The following SYNE1 variants were observed in gnomAD, a reference collection of about 807,000 sequenced individuals.
SYNE1 encodes the protein nesprin-1.
Under a neutral mutation model 1,111.0 loss-of-function variants are expected in SYNE1, and 616 were observed. The ratio of observed to expected loss-of-function variants is 0.55; its 90% CI spans 0.52 to 0.59. SYNE1 has a LOEUF of 0.59. Among genes scored for constraint, SYNE1 ranks in the 20% least tolerant of loss-of-function variants. The probability of loss-of-function intolerance (pLI) is 0.00; values close to 1 mark genes in which losing one functional copy is unlikely to be tolerated. For missense variants in SYNE1, 10,006 were observed against 10,417.0 expected (o/e 0.96, Z 1.72); for synonymous variants, 3,855 against 3,825.8 (o/e 1.01, Z -0.28).
At chr6:152,372,500 C>T (rs58118765) in intron 59 of SYNE1, among the ~76,000 whole-genome samples, 10,017 of 151,694 alleles carry the variant, frequency 0.066, 418 homozygotes, top group East Asian at 0.18. Flanking sequence ...TAGTCTCAGA[C>T]GGAAAAAAAA....
chr6:152,294,370 G>C (rs2094763063), intron 93 of SYNE1, among the ~76,000 whole-genome samples: 1 of 152,152 alleles, frequency 6.6e-6, no homozygotes, highest in Admixed American at 6.5e-5. Flanking sequence ...AATATTTCAA[G>C]TTGCCAAAAC....
intron 4 of SYNE1, among the ~76,000 whole-genome samples, chr6:152,539,248 A>G (rs2099258366): frequency 6.6e-6 from 1 of 152,166 alleles, no homozygotes; most frequent in Admixed American, 6.5e-5. Flanking sequence ...ATTATCAGCA[A>G]ATCCTCTAAC....
Position 152,505,416 on chromosome 6 carries a change from T to C in SYNE1, c.582-19A>G. On this transcript the variant is annotated intron_variant, in intron 8 of 145. Coordinates refer to ENST00000367255, the MANE Select transcript of SYNE1 (RefSeq NM_182961.4). ...AGTCTGCCTTTGTGTTATAAAAACA[T>C]AAAATGATGTCACATTCTGAATAGA... 1 of 1,612,464 alleles carries C rather than the reference T, an allele frequency of 6.2e-7. No homozygotes were observed. The highest frequency in any genetic ancestry group is 2.2e-5 in the East Asian group (1 of 44,856).
rs769330654 is a variant in SYNE1, at chr6:152,176,509, G to T, written c.23512C>A (p.Gln7838Lys). The stretch of plus-strand genomic sequence containing the variant: ...GCTTTAGCAAGTCGTTCTCCCATTT[G>T]TTGGAGCTGTATTTTGTTCTCTTGA... ...IAQENKIQLQQMGERLAKASH... is the reference protein window; with the variant it reads ...IAQENKIQLQKMGERLAKASH... Residue 7838 changes from glutamine to lysine, a missense_variant, in exon 130 of 146, where the codon CAA becomes AAA. Around this residue, in one of 7 missense-constraint regions of SYNE1, gnomAD observed 2,182 missense variants for 2,287.8 expected, o/e 0.95. Coordinates refer to ENST00000367255, the MANE Select transcript of SYNE1 (RefSeq NM_182961.4). 1 of 1,613,712 alleles carries T rather than the reference G, an allele frequency of 6.2e-7. No homozygotes were observed. Among genetic ancestry groups the T allele is most frequent in the South Asian group, 1.1e-5 (1 of 91,070 alleles).
chr6:152,382,766 ACT>A (rs762163620), intron 55 of SYNE1, among the ~76,000 whole-genome samples: 39 of 152,234 alleles, frequency 2.6e-4, no homozygotes, highest in Admixed American at 9.8e-4. Context: ...TTCCCAAAAT[ACT>A]CTCTTATGCT....
intron 93 of SYNE1, among the ~76,000 whole-genome samples, chr6:152,297,171 A>T (rs111389056): frequency 0.019 from 2,833 of 151,846 alleles, 98 homozygotes; most frequent in African/African-American, 0.066. Flanking sequence ...TCCTCCTCCA[A>T]TGTTTCTCCA....
At chr6:152,395,442 C>T in intron 51 of SYNE1, 74 bp downstream of exon 51, 1 of 1,536,782 alleles carries the variant, frequency 6.5e-7, no homozygotes, top group Non-Finnish European at 8.8e-7. Flanking sequence ...CCAATCAAAA[C>T]CAAACCAACC....
chr6:152,145,221 C>T (rs1364178739), intron 137 of SYNE1: 2 of 488,360 alleles, frequency 4.1e-6, no homozygotes, highest in East Asian at 3.9e-5. Context: ...ATATTTTCTG[C>T]AGTTAATGGA....
At chr6:152,165,113 A>G (rs1357765701) in intron 130 of SYNE1, among the ~76,000 whole-genome samples, 1 of 150,230 alleles carries the variant, frequency 6.7e-6, no homozygotes, top group Non-Finnish European at 1.5e-5. Context: ...GCATTTAAAG[A>G]AGTGATTCTC....
chr6:152,362,395 C>T (rs2096948641), intron 63 of SYNE1, 72 bp from the exon 64 acceptor site: 1 of 1,593,160 alleles, frequency 6.3e-7, no homozygotes, highest in East Asian at 2.2e-5. Flanking sequence ...ATTGTGTCTG[C>T]TCCATCCACT....
At chr6:152,627,672 CA>C (rs1158320663) in intron 3 of SYNE1, among the ~76,000 whole-genome samples, 1 of 151,928 alleles carries the variant, frequency 6.6e-6, no homozygotes, top group East Asian at 1.9e-4. Flanking sequence ...AAATCAAAAG[CA>C]GAGAAGAGAA....
intron 10 of SYNE1, among the ~76,000 whole-genome samples, chr6:152,499,782 T>A (rs1257479650): frequency 6.6e-6 from 1 of 152,226 alleles, no homozygotes; most frequent in East Asian, 1.9e-4. Flanking sequence ...TCCTCAAAAT[T>A]AATTTTTGAG....
At chr6:152,472,853 T>C (rs989146169) in intron 14 of SYNE1, among the ~76,000 whole-genome samples, 2 of 152,232 alleles carry the variant, frequency 1.3e-5, no homozygotes, top group African/African-American at 4.8e-5. Flanking sequence ...TTTGAATGCA[T>C]GCAGACTATT....
chr6:152,211,877 A>G (rs1399769669), intron 123 of SYNE1, among the ~76,000 whole-genome samples: 1 of 152,134 alleles, frequency 6.6e-6, no homozygotes, highest in African/African-American at 2.4e-5. Flanking sequence ...AAGTTAATGC[A>G]CAATTTGTTT....
chr6:152,306,262 G>T (rs948780704), intron 91 of SYNE1, among the ~76,000 whole-genome samples: 2 of 152,112 alleles, frequency 1.3e-5, no homozygotes, highest in Admixed American at 1.3e-4. Flanking sequence ...AAGGTAGATG[G>T]ATCACTTGAG....
At chr6:152,542,179 A>C (rs763429973) in intron 3 of SYNE1, among the ~76,000 whole-genome samples, 3 of 152,212 alleles carry the variant, frequency 2.0e-5, no homozygotes, top group Non-Finnish European at 4.4e-5. Context: ...GCTTCAGCCC[A>C]GACCATTTGC....
At chr6:152,237,309 T>A (rs2084392517) in intron 108 of SYNE1, among the ~76,000 whole-genome samples, 1 of 11,926 alleles carries the variant, frequency 8.4e-5, no homozygotes, top group Admixed American at 1.2e-3. Flanking sequence ...GTATGCACTT[T>A]TTTTTTTTTT....
intron 130 of SYNE1, among the ~76,000 whole-genome samples, chr6:152,171,220 T>C (rs939029142): frequency 1.3e-5 from 2 of 152,212 alleles, no homozygotes; most frequent in Admixed American, 1.3e-4. Flanking sequence ...TTTATACATG[T>C]GGTAACCGAG....
Position 152,396,781 on chromosome 6 carries a change from A to G in SYNE1, c.7550T>C (p.Leu2517Pro). ...KQALQDCASE[L>P]GSFEDQHRKL... ...GTTTGTTAAACTAACCTACCTTCCA[A>G]GTTCTGAAGCACAGTCTTGAAGAGC... Residue 2517 changes from leucine (L) to proline (P), a missense_variant, in exon 50 of 146, where the codon CTT (leucine) becomes CCT (proline). By Grantham distance (98) the Leu-to-Pro change is moderately conservative. Around this residue, in one of 7 missense-constraint regions of SYNE1, gnomAD observed 4,955 missense variants for 5,017.2 expected, o/e 0.99. Transcript: ENST00000367255. 6.2e-7 allele frequency: 1 copy of G among 1,614,094 alleles called. No homozygotes were observed. Among genetic ancestry groups the G allele is most frequent in the Non-Finnish European group, 8.5e-7 (1 of 1,179,980 alleles).
Sources: allele counts gnomAD v4.1 joint callset (sites outside exome capture counted in the v4.1 genomes callset), GRCh38; gene constraint gnomAD v4.1.1; regional missense constraint gnomAD v4.1.1; transcripts MANE v1.5; gene names NCBI Gene and HGNC (gene_info 2026-07-23, HGNC 2026-07-21).